GSE1: variants seen among roughly 807,000 people sequenced by gnomAD.
GSE1 encodes genetic suppressor element 1.
A neutral mutation model predicts 112.6 loss-of-function variants in GSE1; 32 were observed. The observed-to-expected ratio is 0.28, with a 90% confidence interval of 0.21 to 0.38. GSE1 has a LOEUF of 0.38. Among genes scored for constraint, GSE1 ranks in the 10% least tolerant of loss-of-function variants. The pLI is 1.00. For synonymous variants in GSE1, 1,115 were observed against 735.6 expected, an observed-to-expected ratio of 1.52 and a Z score of -8.35; for missense variants, 2,348 against 1,699.2, an observed-to-expected ratio of 1.38 and a Z score of -6.71.
At chr16:85,611,603 CT>C (rs953461173), upstream of GSE1, 4 of 525,880 alleles carry the variant, frequency 7.6e-6, no homozygotes, top group African/African-American at 8.2e-5. Flanking sequence ...TGCCCGGAGC[CT>C]TGTGCAAGGC....
intron 3 of GSE1, among the ~76,000 whole-genome samples, chr16:85,651,595 C>G (rs146377450): frequency 6.6e-6 from 1 of 152,144 alleles, no homozygotes; most frequent in South Asian, 2.1e-4. Flanking sequence ...GCCCACGGCG[C>G]GGGCAGCATG....
At chr16:85,342,767 TC>T (rs2046651837) in intron 1 of GSE1, among the ~76,000 whole-genome samples, 1 of 151,958 alleles carries the variant, frequency 6.6e-6, no homozygotes, top group Admixed American at 6.5e-5. Context: ...GCCCGGGACA[TC>T]AGAGGAGGCG....
chr16:85,363,036 C>T (rs1367785830), intron 2 of GSE1, among the ~76,000 whole-genome samples: 1 of 152,052 alleles, frequency 6.6e-6, no homozygotes, highest in Non-Finnish European at 1.5e-5. Flanking sequence ...GGGGTTTCAC[C>T]ATGTTGCCCA....
At chr16:85,665,900 A>C in intron 12 of GSE1, 76 bp from the exon 13 acceptor site, 1 of 1,411,244 alleles carries the variant, frequency 7.1e-7, no homozygotes, top group Non-Finnish European at 1.0e-6. Context: ...AGCTCTAGAG[A>C]CCAGGATCTG....
At chr16:85,217,757 A>C (rs911744290) in intron 1 of GSE1, among the ~76,000 whole-genome samples, 1 of 151,988 alleles carries the variant, frequency 6.6e-6, no homozygotes, top group Non-Finnish European at 1.5e-5. Flanking sequence ...CCTGTTGCCC[A>C]CGTCATTTTT....
At chr16:85,627,387 A>G (rs2049167321) in intron 1 of GSE1, among the ~76,000 whole-genome samples, 1 of 151,926 alleles carries the variant, frequency 6.6e-6, no homozygotes, top group African/African-American at 2.4e-5. Flanking sequence ...CAGGGAGCAG[A>G]CAGTTGAGGC....
intron 2 of GSE1, among the ~76,000 whole-genome samples, chr16:85,439,249 G>A (rs991170095): frequency 6.6e-6 from 1 of 152,256 alleles, no homozygotes; most frequent in South Asian, 2.1e-4. Flanking sequence ...GGGAACAGGG[G>A]TTAGGACAGC....
rs871290 is a variant in GSE1 at position 85,673,761 on chromosome 16, G to C, written c.*1222G>C. The C allele has an allele frequency of 0.27, 41,502 of 152,070 alleles. 7,112 individuals are homozygous for C. The highest frequency in any genetic ancestry group is 0.46 in the East Asian group (2,364 of 5,128). 9.4% of individuals were successfully genotyped at this position (152,070 alleles called of 1,614,324 possible). A position where few individuals can be genotyped will look rare whatever the true frequency, so the allele number is the denominator to read the frequency against. ...TCAAGGGAGGAGGGGGTAGTCTGTA[G>C]AACCCATGTGTGACAGTCATGTGCA... On this transcript the variant is annotated 3_prime_UTR_variant, in exon 16 of 16. Transcript: ENST00000253458.
chr16:85,501,397 T>C (rs921367018), intron 2 of GSE1, among the ~76,000 whole-genome samples: 17 of 150,766 alleles, frequency 1.1e-4, no homozygotes, highest in African/African-American at 3.9e-4. Flanking sequence ...CTTTTTTTTT[T>C]TTTTTTTTTT....
At chr16:85,243,306 G>T (rs896598027) in intron 1 of GSE1, among the ~76,000 whole-genome samples, 3 of 152,258 alleles carry the variant, frequency 2.0e-5, no homozygotes, top group African/African-American at 7.2e-5. Context: ...AGTGGAGCAG[G>T]TTCTTTCTGG....
intron 2 of GSE1, among the ~76,000 whole-genome samples, chr16:85,638,870 C>CT (rs1567697122): frequency 1.3e-5 from 2 of 152,114 alleles, no homozygotes; most frequent in Non-Finnish European, 2.9e-5. Context: ...GGCTTCCCCC[C>CT]GTCAATGGCT....
At chr16:85,251,831 T>C (rs1906517156) in intron 1 of GSE1, among the ~76,000 whole-genome samples, 2 of 152,228 alleles carry the variant, frequency 1.3e-5, no homozygotes, top group Admixed American at 1.3e-4. Flanking sequence ...ATTAGGGGGC[T>C]GCACACAACC....
intron 2 of GSE1, among the ~76,000 whole-genome samples, chr16:85,387,396 G>A (rs937602564): frequency 5.9e-5 from 9 of 152,286 alleles, no homozygotes; most frequent in African/African-American, 2.2e-4. Context: ...TGCTGAAGCC[G>A]TTGTGGCTCC....
intron 2 of GSE1, among the ~76,000 whole-genome samples, chr16:85,433,053 C>T (rs1019156583): frequency 4.0e-5 from 6 of 151,832 alleles, no homozygotes; most frequent in Non-Finnish European, 5.9e-5. Flanking sequence ...AAGTCCCCCC[C>T]AGAGACTTCC....
At chr16:85,647,689 C>T (rs1028152159) in intron 2 of GSE1, among the ~76,000 whole-genome samples, 5 of 152,250 alleles carry the variant, frequency 3.3e-5, no homozygotes, top group Admixed American at 2.0e-4. Context: ...CGGGTTCAAG[C>T]GATTCTCCTG....
intron 1 of GSE1, among the ~76,000 whole-genome samples, chr16:85,272,114 T>C (rs1197333310): frequency 6.6e-6 from 1 of 152,206 alleles, no homozygotes; most frequent in Admixed American, 6.5e-5. Context: ...ATCGTCACCA[T>C]GCGGCCGCCA....
intron 1 of GSE1, among the ~76,000 whole-genome samples, chr16:85,242,269 C>A (rs989035111): frequency 1.3e-5 from 2 of 152,166 alleles, no homozygotes; most frequent in Non-Finnish European, 2.9e-5. Context: ...TGCAAGCAGC[C>A]GCCCTCCTGC....
At chr16:85,298,869 G>A (rs1250296036) in intron 1 of GSE1, among the ~76,000 whole-genome samples, 4 of 152,256 alleles carry the variant, frequency 2.6e-5, no homozygotes, top group Non-Finnish European at 5.9e-5. Flanking sequence ...GTGTGGGGGA[G>A]CATAGGCGTT....
intron 1 of GSE1, among the ~76,000 whole-genome samples, chr16:85,226,761 GT>G (rs1290464259): frequency 2.7e-4 from 1 of 3,710 alleles, no homozygotes; most frequent in East Asian, 3.4e-3. Context: ...CTGGACTGGT[GT>G]GTGTGTGTGT....
Sources: gnomAD v4.1 joint callset for allele counts (sites outside exome capture counted in the v4.1 genomes callset) on GRCh38, gnomAD v4.1.1 for gene constraint, MANE v1.5 for transcripts, NCBI Gene and HGNC (gene_info 2026-07-23, HGNC 2026-07-21) for gene names.